TXLNB: variants seen among roughly 807,000 people sequenced by gnomAD.
TXLNB encodes the protein beta-taxilin.
TXLNB carries 37 observed loss-of-function variants against 57.4 expected under a neutral mutation model. That is an observed-to-expected ratio of 0.64 (90% CI 0.50 to 0.85). TXLNB has a LOEUF of 0.85. Among genes scored for constraint, TXLNB ranks in the 40% least tolerant of loss-of-function variants. TXLNB has a pLI of 0.00. For missense variants in TXLNB, 848 were observed against 825.6 expected, an observed-to-expected ratio of 1.03 and a Z score of -0.33; for synonymous variants, 302 against 309.6, an observed-to-expected ratio of 0.98 and a Z score of 0.26.
chr6:139,306,715 C>A, the TXLNB span, among the ~76,000 whole-genome samples: 1 of 152,168 alleles, frequency 6.6e-6, no homozygotes, highest in Non-Finnish European at 1.5e-5. Context: ...TGTATTGTTG[C>A]AAAGATGCAG....
intron 2 of TXLNB, among the ~76,000 whole-genome samples, chr6:139,281,694 G>A (rs1386818669): frequency 1.8e-5 from 2 of 109,898 alleles, no homozygotes; most frequent in South Asian, 2.8e-4. Flanking sequence ...GACTACAGGC[G>A]CCCGCTACCA....
the TXLNB span, among the ~76,000 whole-genome samples, chr6:139,315,146 C>T: frequency 1.2e-4 from 18 of 152,228 alleles, no homozygotes; most frequent in Admixed American, 7.9e-4. Context: ...TGCCATCCCA[C>T]CCAGGAACAG....
the TXLNB span, among the ~76,000 whole-genome samples, chr6:139,172,223 C>A: frequency 6.6e-5 from 10 of 152,160 alleles, no homozygotes; most frequent in Non-Finnish European, 1.3e-4. Flanking sequence ...TTCAGCCTCC[C>A]AAAATGCTGA....
chr6:139,179,429 T>C, the TXLNB span: 3 of 152,190 alleles, frequency 2.0e-5, no homozygotes, highest in African/African-American at 7.2e-5. Context: ...CCATGTTGCC[T>C]TTTTAGATGG....
the TXLNB span, among the ~76,000 whole-genome samples, chr6:139,185,867 C>G: frequency 2.6e-5 from 4 of 152,310 alleles, no homozygotes; most frequent in African/African-American, 7.2e-5. Context: ...CTGCCTATCT[C>G]TCTCTTTCCT....
chr6:139,166,740 A>G, the TXLNB span: 3 of 1,613,628 alleles, frequency 1.9e-6, no homozygotes, highest in East Asian at 6.7e-5. Context: ...CCCCGCCGGC[A>G]TTCCATGGAC....
chr6:139,185,048 C>T, the TXLNB span, among the ~76,000 whole-genome samples: 2 of 152,142 alleles, frequency 1.3e-5, no homozygotes, highest in African/African-American at 2.4e-5. Context: ...GATGACACTG[C>T]AGGTGATTGA....
intron 3 of TXLNB, among the ~76,000 whole-genome samples, chr6:139,276,257 TA>T (rs547241601): frequency 9.8e-5 from 15 of 152,324 alleles, no homozygotes; most frequent in African/African-American, 3.1e-4. Flanking sequence ...TTTCCCAAAC[TA>T]TGTCAATATA....
At chr6:139,257,273 G>C (rs1487434613) in intron 6 of TXLNB, among the ~76,000 whole-genome samples, 3 of 152,084 alleles carry the variant, frequency 2.0e-5, no homozygotes, top group Non-Finnish European at 4.4e-5. Context: ...ATTCTCTAGA[G>C]TTTTCCACTT....
At chr6:139,314,306 A>C in the TXLNB span, among the ~76,000 whole-genome samples, 1 of 152,206 alleles carries the variant, frequency 6.6e-6, no homozygotes, top group Non-Finnish European at 1.5e-5. Flanking sequence ...AGTTTCATCT[A>C]TGTAACAAGA....
chr6:139,302,612 A>C, the TXLNB span, among the ~76,000 whole-genome samples: 46 of 150,240 alleles, frequency 3.1e-4, 1 homozygote, highest in East Asian at 6.8e-3. Flanking sequence ...AAAAATACAA[A>C]AAAAAAAAAA....
chr6:139,310,695 T>C, the TXLNB span, among the ~76,000 whole-genome samples: 1 of 152,206 alleles, frequency 6.6e-6, no homozygotes, highest in East Asian at 1.9e-4. Context: ...CTGTTTTGTT[T>C]TGGTTTGGTT....
chr6:139,288,003 T>C (rs964977673), intron 2 of TXLNB, among the ~76,000 whole-genome samples: 3 of 152,336 alleles, frequency 2.0e-5, no homozygotes, highest in Non-Finnish European at 2.9e-5. Context: ...TAGGTACAGA[T>C]TTCTAGGTAA....
the TXLNB span, among the ~76,000 whole-genome samples, chr6:139,192,895 G>A: frequency 1.6e-4 from 25 of 151,722 alleles, no homozygotes; most frequent in Non-Finnish European, 2.9e-5. Context: ...CCTGTTAGGC[G>A]GAGGTTGCAG....
At chr6:139,163,384 T>C in the TXLNB span, among the ~76,000 whole-genome samples, 2 of 149,166 alleles carry the variant, frequency 1.3e-5, no homozygotes, top group African/African-American at 2.5e-5. Flanking sequence ...AAAGGGAGTC[T>C]CACTGTGCCA....
chr6:139,298,383 T>A, the TXLNB span, among the ~76,000 whole-genome samples: 1 of 152,242 alleles, frequency 6.6e-6, no homozygotes, highest in Non-Finnish European at 1.5e-5. Context: ...TGAATTCAAA[T>A]TAATATGACA....
rs980488172 is a variant in TXLNB, at chr6:139,241,041, G to C, written c.*1485C>G. The C allele has an allele frequency of 6.6e-6, 1 of 151,726 alleles. No individual in the cohort carries two copies. Among genetic ancestry groups the C allele is most frequent in the Admixed American group, 6.6e-5 (1 of 15,230 alleles). 9.4% of individuals were successfully genotyped at this position (151,726 alleles called of 1,614,324 possible). On this transcript the variant is annotated 3_prime_UTR_variant, in exon 10 of 10. Transcript: ENST00000358430. ...TCTTCTTTCCTGTTTCATTGTTGCA[G>C]CTATCCTTTACCCTAGGTAATTTAT...
the TXLNB span, among the ~76,000 whole-genome samples, chr6:139,320,165 A>G: frequency 1.5e-4 from 23 of 152,190 alleles, no homozygotes; most frequent in Non-Finnish European, 7.3e-5. Flanking sequence ...CTTTCCCTTA[A>G]ATAAAAGTTA....
At chr6:139,175,488 T>C in the TXLNB span, among the ~76,000 whole-genome samples, 86 of 152,328 alleles carry the variant, frequency 5.6e-4, no homozygotes, top group African/African-American at 2.1e-3. Flanking sequence ...ATGCCAGCTC[T>C]TGAGAGAAAC....
Sources: allele counts gnomAD v4.1 joint callset (sites outside exome capture counted in the v4.1 genomes callset), GRCh38; gene constraint gnomAD v4.1.1; transcripts MANE v1.5; gene names NCBI Gene and HGNC (gene_info 2026-07-23, HGNC 2026-07-21).